Variants in ERBB4 observed in about 807,000 individuals in gnomAD.
ERBB4 encodes receptor tyrosine-protein kinase erbB-4.
A neutral mutation model predicts 158.0 loss-of-function variants in ERBB4; 42 were observed. The ratio of observed to expected loss-of-function variants is 0.27; its 90% CI spans 0.21 to 0.34. The LOEUF is 0.34. Among genes scored for constraint, ERBB4 ranks in the 10% least tolerant of loss-of-function variants. The probability of loss-of-function intolerance (pLI) is 1.00; values close to 1 mark genes in which losing one functional copy is unlikely to be tolerated. For missense variants in ERBB4, 1,333 were observed against 1,624.1 expected (o/e 0.82, Z 3.08); for synonymous variants, 583 against 558.7 (o/e 1.04, Z -0.61).
At position 212,054,243 on chromosome 2, in the gene ERBB4, T is replaced by A. The variant is rs145908165; in HGVS notation, c.234+70509A>T. 3.6e-4 allele frequency among the ~76,000 whole-genome samples: 55 copies of A among 152,232 alleles called. 1 individual carries two copies. In the East Asian group the frequency reaches 0.01, roughly 29 times the overall value. ...ATAGCATAACTCCCACCTAAGAAATTTGGAGAGTAAGAACAGGTTAATCAT... is the reference window on the plus strand; with the variant it reads ...ATAGCATAACTCCCACCTAAGAAATATGGAGAGTAAGAACAGGTTAATCAT... On this transcript the variant is annotated intron_variant, in intron 2 of 27. Transcript: ENST00000342788.
At chr2:211,450,672 A>G (rs1413094302) in intron 20 of ERBB4, among the ~76,000 whole-genome samples, 2 of 152,152 alleles carry the variant, frequency 1.3e-5, no homozygotes, top group African/African-American at 2.4e-5. Context: ...TGCAGGACTA[A>G]TGTTTATATT....
intron 4 of ERBB4, among the ~76,000 whole-genome samples, chr2:211,772,924 C>T (rs866451178): frequency 0.053 from 1,935 of 36,636 alleles, 164 homozygotes; most frequent in African/African-American, 0.13. Context: ...CACACACACA[C>T]ATATATATAT....
chr2:212,001,764 G>T lies in ERBB4; in HGVS notation c.235-54148C>A, dbSNP rs180719535. Among the ~76,000 whole-genome samples the T allele has an allele frequency of 7.4e-4, 112 of 152,228 alleles. 1 individual carries two copies. Among genetic ancestry groups the T allele is most frequent in the Middle Eastern group, 3.4e-3 (1 of 294 alleles). On this transcript the variant is annotated intron_variant, in intron 2 of 27. Transcript: ENST00000342788. ...ATAGCATCTCTTTTCTTGATATGAA[G>T]GAAACATTATGAGGCATTTAAAATA...
At chr2:211,487,003 T>G (rs946387492) in intron 20 of ERBB4, among the ~76,000 whole-genome samples, 4 of 151,882 alleles carry the variant, frequency 2.6e-5, no homozygotes, top group African/African-American at 9.7e-5. Flanking sequence ...TTTTTGTAGT[T>G]TTTTTTATTA....
At chr2:212,230,056 A>G (rs2083611031) in intron 1 of ERBB4, among the ~76,000 whole-genome samples, 1 of 152,212 alleles carries the variant, frequency 6.6e-6, no homozygotes, top group African/African-American at 2.4e-5. Flanking sequence ...AGGCTGAAGC[A>G]GGCAGATAAC....
chr2:211,523,418 G>A (rs1396490107), intron 20 of ERBB4, among the ~76,000 whole-genome samples: 2 of 151,098 alleles, frequency 1.3e-5, no homozygotes, highest in East Asian at 2.0e-4. Flanking sequence ...GTGGGTTCTT[G>A]GTCTCGCTGA....
chr2:211,779,325 C>T (rs987905056), intron 4 of ERBB4: 6 of 152,170 alleles, frequency 3.9e-5, no homozygotes, highest in African/African-American at 7.2e-5. Context: ...CTAGATATTA[C>T]CTTACATGAC....
intron 1 of ERBB4, among the ~76,000 whole-genome samples, chr2:212,154,572 C>T (rs1271304685): frequency 1.3e-5 from 2 of 152,092 alleles, no homozygotes; most frequent in Non-Finnish European, 2.9e-5. Context: ...TTGAGTGGCA[C>T]TTAGTGTGGA....
chr2:211,424,779 G>A (rs372207500), intron 22 of ERBB4, among the ~76,000 whole-genome samples: 1 of 151,236 alleles, frequency 6.6e-6, no homozygotes, highest in African/African-American at 2.5e-5. Context: ...TTACAATAAA[G>A]AATTGTGACT....
chr2:211,945,518 C>T (rs1332595388), intron 3 of ERBB4, among the ~76,000 whole-genome samples: 2 of 152,056 alleles, frequency 1.3e-5, no homozygotes, highest in African/African-American at 4.8e-5. Context: ...AACTCATTCT[C>T]TTAATCACTT....
chr2:212,342,889 A>G (rs2088792602), intron 1 of ERBB4, among the ~76,000 whole-genome samples: 1 of 152,194 alleles, frequency 6.6e-6, no homozygotes, highest in Non-Finnish European at 1.5e-5. Context: ...CTATGAGTAA[A>G]TAGGCCCAAA....
At chr2:211,428,554 G>A (rs2063683819) in intron 21 of ERBB4, 71 bp from the exon 22 acceptor site, 1 of 825,122 alleles carries the variant, frequency 1.2e-6, no homozygotes, top group Non-Finnish European at 2.1e-6. Flanking sequence ...TTTCCTAAAT[G>A]TGAGTCTTTG....
chr2:212,258,357 T>G (rs2084815401), intron 1 of ERBB4, among the ~76,000 whole-genome samples: 1 of 151,690 alleles, frequency 6.6e-6, no homozygotes, highest in Non-Finnish European at 1.5e-5. Flanking sequence ...CAAACTTGGT[T>G]TACCTAAACA....
chr2:212,512,345 A>AAT (rs199682057), intron 1 of ERBB4, among the ~76,000 whole-genome samples: 5,179 of 149,488 alleles, frequency 0.035, 277 homozygotes, highest in African/African-American at 0.11. Context: ...TATACACACA[A>AAT]ATATATATAT....
At chr2:211,575,548 A>G (rs1051992195) in intron 19 of ERBB4, among the ~76,000 whole-genome samples, 5 of 152,168 alleles carry the variant, frequency 3.3e-5, no homozygotes, top group African/African-American at 1.2e-4. Flanking sequence ...ACTGTTTACT[A>G]TTTAGTATAA....
chr2:211,716,500 C>A (rs1575039464), intron 7 of ERBB4, among the ~76,000 whole-genome samples: 1 of 150,910 alleles, frequency 6.6e-6, no homozygotes, highest in Non-Finnish European at 1.5e-5. Flanking sequence ...CACGGTGAAA[C>A]CCCGTCTCTA....
At chr2:212,437,421 T>C (rs1428662772) in intron 1 of ERBB4, among the ~76,000 whole-genome samples, 3 of 151,430 alleles carry the variant, frequency 2.0e-5, no homozygotes, top group African/African-American at 7.3e-5. Context: ...CTGTAATAAC[T>C]AGAATTCTCC....
At chr2:211,420,634 G>A in intron 24 of ERBB4, 23 bp from the exon 25 acceptor site, 1 of 1,597,908 alleles carries the variant, frequency 6.3e-7, no homozygotes, top group Non-Finnish European at 8.6e-7. Context: ...TTGCCCATCA[G>A]ACACAAATAT....
At chr2:212,085,210 G>A (rs916245531) in intron 2 of ERBB4, among the ~76,000 whole-genome samples, 4 of 151,720 alleles carry the variant, frequency 2.6e-5, no homozygotes, top group Admixed American at 2.6e-4. Context: ...AACACATACT[G>A]CCTATGTTTT....
Sources: gnomAD v4.1 joint callset for allele counts (sites outside exome capture counted in the v4.1 genomes callset) on GRCh38, gnomAD v4.1.1 for gene constraint, MANE v1.5 for transcripts, NCBI Gene and HGNC (gene_info 2026-07-23, HGNC 2026-07-21) for gene names.